ARID2: variants seen among roughly 807,000 people sequenced by gnomAD.
The protein encoded by ARID2 is AT-rich interaction domain 2, also known as AT-rich interactive domain-containing protein 2.
ARID2 carries 32 observed loss-of-function variants against 184.6 expected under a neutral mutation model. The ratio of observed to expected loss-of-function variants is 0.17; its 90% CI spans 0.13 to 0.23. The LOEUF is 0.23. Among genes scored for constraint, ARID2 ranks in the 10% least tolerant of loss-of-function variants. The pLI is 1.00. For missense variants in ARID2, 1,696 were observed against 2,197.6 expected (o/e 0.77, Z 4.56); for synonymous variants, 836 against 772.6 (o/e 1.08, Z -1.36).
intron 16 of ARID2, among the ~76,000 whole-genome samples, chr12:45,875,881 T>C (rs769941508): frequency 6.6e-6 from 1 of 152,246 alleles, no homozygotes; most frequent in Non-Finnish European, 1.5e-5. Flanking sequence ...TGGTTTGATA[T>C]TCTATCCAGA....
chr12:45,864,176 C>A (rs1344927349), intron 16 of ARID2, among the ~76,000 whole-genome samples: 1 of 151,994 alleles, frequency 6.6e-6, no homozygotes, highest in Non-Finnish European at 1.5e-5. Context: ...AATATAGATT[C>A]TTTTCAGTAA....
intron 16 of ARID2, among the ~76,000 whole-genome samples, chr12:45,878,969 T>C (rs1308802855): frequency 6.6e-6 from 1 of 152,204 alleles, no homozygotes; most frequent in African/African-American, 2.4e-5. Context: ...TGTCCTTTTT[T>C]TTCTTCCTTT....
intron 3 of ARID2, among the ~76,000 whole-genome samples, chr12:45,778,610 A>G (rs906221504): frequency 1.3e-5 from 2 of 152,176 alleles, no homozygotes; most frequent in Admixed American, 1.3e-4. Flanking sequence ...TTTACTACAC[A>G]GTGTATTTAC....
chr12:45,756,526 T>C (rs1941575478), intron 3 of ARID2, among the ~76,000 whole-genome samples: 1 of 152,234 alleles, frequency 6.6e-6, no homozygotes, highest in Non-Finnish European at 1.5e-5. Flanking sequence ...TCAATTAATA[T>C]GCAAAGAATA....
chr12:45,876,303 C>T (rs181793), intron 16 of ARID2, among the ~76,000 whole-genome samples: 1 of 152,188 alleles, frequency 6.6e-6, no homozygotes, highest in African/African-American at 2.4e-5. Flanking sequence ...GTAATCCCAG[C>T]ACTTTGGGAG....
At chr12:45,791,606 T>C (rs544572625) in intron 3 of ARID2, among the ~76,000 whole-genome samples, 1 of 152,298 alleles carries the variant, frequency 6.6e-6, no homozygotes, top group African/African-American at 2.4e-5. Flanking sequence ...GATTGATTGA[T>C]TGTTTGAGAA....
rs760671052 is a variant in ARID2, at chr12:45,851,529, C to T, written c.3406C>T (p.Pro1136Ser). The change falls in exon 15 of 21, where the codon CCC (proline) becomes TCC (serine). Residue 1136 changes from proline to serine, a missense_variant. This residue lies in a region of ARID2 where 713 missense variants were observed against 824.4 expected (regional missense o/e 0.86). Transcript: ENST00000334344. ...NVQLVPSAMP[P>S]SGGVQTVPIS... is the part of the protein sequence containing the mutation. Reference sequence around the variant, plus strand: ...TCAGTTGGTCCCAAGTGCAATGCCACCCTCAGGGGGAGTACAAACTGTGCC... The same window carrying T: ...TCAGTTGGTCCCAAGTGCAATGCCATCCTCAGGGGGAGTACAAACTGTGCC... The T allele has an allele frequency of 6.2e-7, 1 of 1,614,152 alleles. No individual in the cohort carries two copies. The highest frequency in any genetic ancestry group is 8.5e-7 in the Non-Finnish European group (1 of 1,180,000).
chr12:45,784,478 C>T (rs1307502797), intron 3 of ARID2, among the ~76,000 whole-genome samples: 1 of 151,894 alleles, frequency 6.6e-6, no homozygotes, highest in African/African-American at 2.4e-5. Flanking sequence ...AAGCTGGGGG[C>T]GGTGGCCTGG....
Position 45,852,390 on chromosome 12 carries a change from T to C in ARID2, c.4267T>C (p.Leu1423=), listed in dbSNP as rs779464103. 8.1e-6 allele frequency: 13 copies of C among 1,613,970 alleles called. No individual in the cohort carries two copies. The highest frequency in any genetic ancestry group is 8.5e-7 in the Non-Finnish European group (1 of 1,180,000). Residue 1423 remains leucine (L), a synonymous_variant, in exon 15 of 21, where the codon TTG becomes CTG. Coordinates refer to ENST00000334344, the MANE Select transcript of ARID2 (RefSeq NM_152641.4). The part of the protein sequence containing the change: ...ERISNGPVLT[L]GGSSVSSIQE... The stretch of plus-strand genomic sequence containing the variant: ...AATTTCTAATGGACCTGTATTAACT[T>C]TGGGTGGTTCATCTGTGAGCAGTAT...
chr12:45,858,563 G>A (rs1439493373), intron 15 of ARID2, among the ~76,000 whole-genome samples: 2 of 152,088 alleles, frequency 1.3e-5, no homozygotes, highest in South Asian at 2.1e-4. Flanking sequence ...AAACTAAACC[G>A]ATCATCTTTC....
Position 45,852,195 on chromosome 12 carries a change from G to A in ARID2, c.4072G>A (p.Val1358Ile). ...CAAAAGTGATTTGAGAAAACCGCTA[G>A]TTAATGGAATCTGTGATTTTGATAA... ...DIKSDLRKPLVNGICDFDKGD... is the reference protein window; with the variant it reads ...DIKSDLRKPLINGICDFDKGD... Residue 1358 changes from valine (V) to isoleucine (I), a missense_variant, in exon 15 of 21, where the codon GTT becomes ATT. Physicochemically the swap from Val to Ile is conservative, Grantham distance 29. Around this residue, in one of 11 missense-constraint regions of ARID2, gnomAD observed 428 missense variants for 409.1 expected, o/e 1.05. Transcript: ENST00000334344. 2 of 1,614,120 alleles carry A rather than the reference G, an allele frequency of 1.2e-6. No homozygotes were observed. Among genetic ancestry groups the A allele is most frequent in the Non-Finnish European group, 1.7e-6 (2 of 1,180,012 alleles).
chr12:45,739,555 T>G (rs541030961), intron 3 of ARID2, among the ~76,000 whole-genome samples: 1 of 150,628 alleles, frequency 6.6e-6, no homozygotes, highest in Non-Finnish European at 1.5e-5. Flanking sequence ...ATTGTTTGGA[T>G]AAACATCTTA....
chr12:45,877,122 G>A (rs1481378745), intron 16 of ARID2, among the ~76,000 whole-genome samples: 2 of 150,198 alleles, frequency 1.3e-5, no homozygotes, highest in African/African-American at 4.9e-5. Context: ...TATTTGCAAA[G>A]CATAATAAAG....
intron 3 of ARID2, among the ~76,000 whole-genome samples, chr12:45,753,535 T>G (rs1439976472): frequency 6.6e-6 from 1 of 152,176 alleles, no homozygotes; most frequent in Non-Finnish European, 1.5e-5. Flanking sequence ...GGTATATAGT[T>G]TAATCTATAA....
chr12:45,793,499 G>A (rs1255530897), intron 3 of ARID2, among the ~76,000 whole-genome samples: 1 of 151,428 alleles, frequency 6.6e-6, no homozygotes, highest in Non-Finnish European at 1.5e-5. Context: ...AGACCTAATT[G>A]AAAGACCTTA....
At chr12:45,839,235 C>T in intron 10 of ARID2, 94 bp from the exon 11 acceptor site, 1 of 1,154,288 alleles carries the variant, frequency 8.7e-7, no homozygotes, top group Non-Finnish European at 1.2e-6. Context: ...CATTTATTCA[C>T]ATTGATAAGT....
intron 3 of ARID2, among the ~76,000 whole-genome samples, chr12:45,732,344 T>C (rs1941019727): frequency 6.6e-6 from 1 of 152,218 alleles, no homozygotes; most frequent in African/African-American, 2.4e-5. Context: ...CATTCTGAAA[T>C]AGGAAATGCA....
intron 16 of ARID2, among the ~76,000 whole-genome samples, chr12:45,883,049 G>A (rs188174671): frequency 2.0e-5 from 3 of 152,020 alleles, no homozygotes; most frequent in Admixed American, 6.5e-5. Context: ...GTGTGAGAGC[G>A]CTAAAATACT....
intron 15 of ARID2, among the ~76,000 whole-genome samples, 184 bp from the exon 16 acceptor site, chr12:45,860,617 T>C (rs578039732): frequency 6.6e-6 from 1 of 152,034 alleles, no homozygotes; most frequent in East Asian, 1.9e-4. Flanking sequence ...TAAAATAAAC[T>C]TTCTAAATAT....
Sources: allele counts gnomAD v4.1 joint callset (sites outside exome capture counted in the v4.1 genomes callset), GRCh38; gene constraint gnomAD v4.1.1; regional missense constraint gnomAD v4.1.1; transcripts MANE v1.5; gene names NCBI Gene and HGNC (gene_info 2026-07-23, HGNC 2026-07-21).